Variants in SPATS2 observed in about 807,000 individuals in gnomAD.
SPATS2 encodes spermatogenesis-associated serine-rich protein 2.
A neutral mutation model predicts 63.7 loss-of-function variants in SPATS2; 38 were observed. The ratio of observed to expected loss-of-function variants is 0.60; its 90% CI spans 0.46 to 0.78. SPATS2 has a LOEUF of 0.78. Among genes scored for constraint, SPATS2 ranks in the 30% least tolerant of loss-of-function variants. SPATS2 has a pLI of 0.00. For missense variants in SPATS2, 588 were observed against 666.2 expected, an observed-to-expected ratio of 0.88 and a Z score of 1.29; for synonymous variants, 207 against 232.9, an observed-to-expected ratio of 0.89 and a Z score of 1.01.
intron 9 of SPATS2, among the ~76,000 whole-genome samples, chr12:49,507,334 TG>T (rs1365407447): frequency 2.0e-5 from 3 of 152,108 alleles, no homozygotes; most frequent in Admixed American, 2.0e-4. Context: ...GCGGAAAGGT[TG>T]GGGTGGACCA....
chr12:49,449,520 G>A, intron 2 of SPATS2, among the ~76,000 whole-genome samples: 1 of 152,066 alleles, frequency 6.6e-6, no homozygotes, highest in Non-Finnish European at 1.5e-5. Flanking sequence ...GGCCCAGTCT[G>A]GGTTTTTAAT....
intron 2 of SPATS2, among the ~76,000 whole-genome samples, chr12:49,377,535 C>T (rs190527158): frequency 2.0e-5 from 3 of 152,250 alleles, no homozygotes; most frequent in African/African-American, 4.8e-5. Context: ...AACACATCAT[C>T]CTTTCACACT....
intron 2 of SPATS2, among the ~76,000 whole-genome samples, chr12:49,376,691 C>G (rs1376124061): frequency 1.3e-5 from 2 of 150,662 alleles, no homozygotes; most frequent in African/African-American, 4.9e-5. Flanking sequence ...ACCATTGTAC[C>G]TGGCCGGTGT....
At chr12:49,370,027 G>A (rs1043033881) in intron 1 of SPATS2, among the ~76,000 whole-genome samples, 1 of 152,178 alleles carries the variant, frequency 6.6e-6, no homozygotes, top group African/African-American at 2.4e-5. Flanking sequence ...ACAGGTTATG[G>A]CCAAAACATG....
In SPATS2 at chr12:49,460,988, AT is replaced by A; in HGVS notation, c.-19del. 6.2e-7 allele frequency: 1 copy of A among 1,613,426 alleles called. No individual in the cohort carries two copies. Among genetic ancestry groups the A allele is most frequent in the Non-Finnish European group, 8.5e-7 (1 of 1,179,592 alleles). On this transcript the variant is annotated 5_prime_UTR_variant, in exon 3 of 14. It introduces an in-frame stop codon into an upstream open reading frame of the 5' UTR. Coordinates refer to ENST00000552918, the MANE Select transcript of SPATS2 (RefSeq NM_023071.4). ...AGGCAAAAGGATACTTTTCTTGTAT[AT>A]TTTTTGAGATCGAAGAAACGACAAT...
At chr12:49,414,266 A>G (rs184858186) in intron 2 of SPATS2, among the ~76,000 whole-genome samples, 1 of 152,300 alleles carries the variant, frequency 6.6e-6, no homozygotes, top group Non-Finnish European at 1.5e-5. Context: ...ACATTGATAG[A>G]ACATGTAGAG....
rs537537796 is a variant in SPATS2, at chr12:49,410,705, C to T, written c.-244+39415C>T. 4.1e-4 allele frequency among the ~76,000 whole-genome samples: 63 copies of T among 152,100 alleles called. 2 individuals are homozygous for T. Among genetic ancestry groups the T allele is most frequent in the South Asian group, 3.1e-3 (15 of 4,804 alleles). ...GCAAAGTTTTGAGTGCTCACTGATA[C>T]GTTTATTCCTCTGTTAGATGCTGGG... On this transcript the variant is annotated intron_variant, in intron 2 of 13. Coordinates refer to ENST00000552918, the MANE Select transcript of SPATS2 (RefSeq NM_023071.4).
intron 10 of SPATS2, among the ~76,000 whole-genome samples, chr12:49,516,050 G>A (rs1946833269): frequency 7.0e-6 from 1 of 142,668 alleles, no homozygotes; most frequent in African/African-American, 2.6e-5. Flanking sequence ...TGAGGCAGGA[G>A]AATCACTTGA....
At chr12:49,512,760 C>A (rs899632995) in intron 9 of SPATS2, 5 of 665,770 alleles carry the variant, frequency 7.5e-6, no homozygotes, top group Non-Finnish European at 1.1e-5. Context: ...CTGATGGACA[C>A]AGCGTCTGCA....
chr12:49,449,972 G>A (rs1185141633), intron 2 of SPATS2, among the ~76,000 whole-genome samples: 4 of 151,992 alleles, frequency 2.6e-5, no homozygotes, highest in African/African-American at 7.3e-5. Context: ...TGTATTTTAG[G>A]TCTTATTGTT....
intron 9 of SPATS2, among the ~76,000 whole-genome samples, chr12:49,506,173 C>T (rs917647059): frequency 1.3e-5 from 2 of 152,120 alleles, no homozygotes; most frequent in African/African-American, 2.4e-5. Flanking sequence ...CTTTGATGTT[C>T]AATAGGTTAG....
At position 49,522,869 on chromosome 12, in the gene SPATS2, G is replaced by T; in HGVS notation, c.1111+16G>T. 1 of 1,605,188 alleles carries T rather than the reference G, an allele frequency of 6.2e-7. No homozygotes were observed. Among genetic ancestry groups the T allele is most frequent in the Non-Finnish European group, 8.5e-7 (1 of 1,172,928 alleles). On this transcript the variant is annotated intron_variant, in intron 12 of 13. Transcript: ENST00000552918. ...TTTGGACAAGGTGAGATGGTGAGAG[G>T]GTCTGGGCACTACAGGTGGTGATTA... is the stretch of plus-strand genomic sequence containing the variant.
intron 3 of SPATS2, among the ~76,000 whole-genome samples, chr12:49,471,161 A>T (rs1946028059): frequency 6.6e-6 from 1 of 152,158 alleles, no homozygotes; most frequent in African/African-American, 2.4e-5. Flanking sequence ...GGATATCAAG[A>T]GGATTAACTG....
chr12:49,386,020 T>C (rs1944312177), intron 2 of SPATS2, among the ~76,000 whole-genome samples: 2 of 151,468 alleles, frequency 1.3e-5, no homozygotes, highest in Admixed American at 6.6e-5. Context: ...CATGCCATCA[T>C]GCCTGGCTGA....
intron 2 of SPATS2, among the ~76,000 whole-genome samples, chr12:49,440,485 T>G (rs1429294125): frequency 6.6e-6 from 1 of 151,780 alleles, no homozygotes; most frequent in East Asian, 1.9e-4. Flanking sequence ...TTTTTTTTTT[T>G]TTTGAGATGG....
At chr12:49,498,132 C>CAA (rs71439501) in intron 8 of SPATS2, among the ~76,000 whole-genome samples, 117 of 117,280 alleles carry the variant, frequency 1.0e-3, no homozygotes, top group African/African-American at 3.3e-3. Context: ...CCAATCAAGC[C>CAA]AAAAAAAAAA....
chr12:49,394,710 CATTTATT>C (rs1944478330), intron 2 of SPATS2, among the ~76,000 whole-genome samples: 1 of 151,934 alleles, frequency 6.6e-6, no homozygotes, highest in Non-Finnish European at 1.5e-5. Flanking sequence ...TTGCTAAACT[CATTTATT>C]ATTATTTTTT....
intron 2 of SPATS2, among the ~76,000 whole-genome samples, chr12:49,452,896 G>A (rs192470533): frequency 6.6e-6 from 1 of 151,726 alleles, no homozygotes; most frequent in Admixed American, 6.6e-5. Context: ...AGTGGCTCAC[G>A]CTTGTAATCC....
At position 49,509,708 on chromosome 12, in the gene SPATS2, T is replaced by G. The variant is rs375595090; in HGVS notation, c.840-4847T>G. 2.7e-5 allele frequency among the ~76,000 whole-genome samples: 4 copies of G among 150,720 alleles called. No individual in the cohort carries two copies. The East Asian group carries it at 7.9e-4, about 30-fold the overall frequency. On this transcript the variant is annotated intron_variant, in intron 9 of 13. Transcript: ENST00000552918. ...GGTGCACACCTGTAATCCCAGCTAC[T>G]CGGGAGGCTGAGGCACGAGAATCGC... is the stretch of plus-strand genomic sequence containing the variant.
Sources: allele counts gnomAD v4.1 joint callset (sites outside exome capture counted in the v4.1 genomes callset), GRCh38; gene constraint gnomAD v4.1.1; transcripts MANE v1.5; gene names NCBI Gene and HGNC (gene_info 2026-07-23, HGNC 2026-07-21).